Variants in SPAG16 observed in about 807,000 individuals in gnomAD.
SPAG16 encodes the protein sperm associated antigen 16.
In SPAG16, 86 loss-of-function variants were observed where a neutral mutation model predicts 80.4. The observed-to-expected ratio is 1.07, with a 90% CI of 0.90 to 1.28. The LOEUF (loss-of-function observed/expected upper bound fraction) is 1.28. SPAG16 is among the 50% of genes most tolerant of loss of function. The probability of loss-of-function intolerance (pLI) is 0.00; values close to 1 mark genes in which losing one functional copy is unlikely to be tolerated. For synonymous variants in SPAG16, 294 were observed against 265.9 expected (o/e 1.11, Z -1.03); for missense variants, 870 against 765.3 (o/e 1.14, Z -1.61).
intron 10 of SPAG16, among the ~76,000 whole-genome samples, chr2:213,689,505 T>C (rs1250297659): frequency 1.3e-5 from 2 of 150,602 alleles, no homozygotes; most frequent in Non-Finnish European, 2.9e-5. Context: ...ATTTTAAACT[T>C]AGAACAGAAT....
At chr2:213,544,462 A>C (rs957175845) in intron 10 of SPAG16, among the ~76,000 whole-genome samples, 6 of 152,022 alleles carry the variant, frequency 3.9e-5, no homozygotes, top group Non-Finnish European at 7.4e-5. Flanking sequence ...CCTCCTTCTT[A>C]TCAACATCCT....
intron 14 of SPAG16, among the ~76,000 whole-genome samples, chr2:214,148,835 TAAA>T (rs2055801730): frequency 6.6e-6 from 1 of 151,896 alleles, no homozygotes; most frequent in South Asian, 2.1e-4. Flanking sequence ...CTAATGTAGT[TAAA>T]ATGAAAATGC....
At chr2:213,448,058 G>A (rs1162098614) in intron 9 of SPAG16, among the ~76,000 whole-genome samples, 1 of 152,208 alleles carries the variant, frequency 6.6e-6, no homozygotes, top group Admixed American at 6.5e-5. Flanking sequence ...GGCTTATTTT[G>A]TTAATGATTG....
rs1305303316 is a variant in SPAG16 at position 214,108,265 on chromosome 2, A to G, written c.1593+4A>G. 6.2e-7 allele frequency: 1 copy of G among 1,601,178 alleles called. No individual in the cohort carries two copies. Among genetic ancestry groups the G allele is most frequent in the Admixed American group, 1.7e-5 (1 of 59,388 alleles). On this transcript the variant is annotated splice_donor_region_variant and intron_variant, in intron 14 of 15. Coordinates refer to ENST00000331683, the MANE Select transcript of SPAG16 (RefSeq NM_024532.5). ...TGATGCCATTTTTGATCCCAGGGTA[A>G]GTTCAGTTCTCCCAGTAAACTGTTT...
At chr2:213,731,018 G>A (rs1259749027) in intron 10 of SPAG16, among the ~76,000 whole-genome samples, 1 of 151,638 alleles carries the variant, frequency 6.6e-6, no homozygotes, top group South Asian at 2.1e-4. Flanking sequence ...TGGTTTCTTA[G>A]AGTTTTCATC....
At chr2:213,402,674 G>T (rs1323790534) in intron 9 of SPAG16, among the ~76,000 whole-genome samples, 1 of 151,812 alleles carries the variant, frequency 6.6e-6, no homozygotes. Context: ...AGAACATGCG[G>T]TGTTTGGTTT....
chr2:214,393,921 T>C (rs2126132094), intron 15 of SPAG16, among the ~76,000 whole-genome samples: 1 of 152,262 alleles, frequency 6.6e-6, no homozygotes, highest in South Asian at 2.1e-4. Flanking sequence ...TCTCCAGTCA[T>C]AGGAAATGTA....
At chr2:213,793,958 A>G (rs1469625577) in intron 10 of SPAG16, among the ~76,000 whole-genome samples, 2 of 152,192 alleles carry the variant, frequency 1.3e-5, no homozygotes, top group African/African-American at 4.8e-5. Flanking sequence ...TTAAATAACC[A>G]GTACATTTGA....
chr2:213,885,371 G>A lies in SPAG16; in HGVS notation c.1214+22743G>A, dbSNP rs554854190. ...GTAGCCATGAACTATAGTGTGTTGGGAAGAGAGTTCACCTCCTCACCAGGT... is the reference window on the plus strand; with the variant it reads ...GTAGCCATGAACTATAGTGTGTTGGAAAGAGAGTTCACCTCCTCACCAGGT... On this transcript the variant is annotated intron_variant, in intron 11 of 15. Transcript: ENST00000331683. Among the ~76,000 whole-genome samples the A allele has an allele frequency of 2.0e-5, 3 of 152,234 alleles. No individual in the cohort carries two copies. In the South Asian group the frequency reaches 6.2e-4, roughly 32 times the overall value.
intron 14 of SPAG16, among the ~76,000 whole-genome samples, chr2:214,115,789 A>T (rs2053901684): frequency 6.6e-6 from 1 of 151,376 alleles, no homozygotes. Context: ...GAGGCAGGGG[A>T]ATTGCTCAAA....
chr2:213,711,857 A>T (rs1353122983), intron 10 of SPAG16, among the ~76,000 whole-genome samples: 1 of 152,122 alleles, frequency 6.6e-6, no homozygotes, highest in Admixed American at 6.6e-5. Flanking sequence ...ATCTCTGTAG[A>T]CATCTAACAC....
intron 1 of SPAG16, among the ~76,000 whole-genome samples, chr2:213,290,863 T>TC (rs1358292130): frequency 6.6e-6 from 1 of 152,316 alleles, no homozygotes; most frequent in Non-Finnish European, 1.5e-5. Context: ...CCAAAGTTTT[T>TC]CACATACAGT....
rs180942551 is a variant in SPAG16, at chr2:213,855,984, A to T, written c.1071-6501A>T. On this transcript the variant is annotated intron_variant, in intron 10 of 15. Transcript: ENST00000331683. ...TCCCAGTCCCCCAAAGTCTCAACTC[A>T]TTTCATCATTAACTCAAAAGTCCAA... Among the ~76,000 whole-genome samples the T allele has an allele frequency of 7.9e-5, 12 of 152,262 alleles. No individual in the cohort carries two copies. In the East Asian group the frequency reaches 2.3e-3, roughly 29 times the overall value.
chr2:214,226,130 A>G (rs2058692680), intron 15 of SPAG16, among the ~76,000 whole-genome samples: 1 of 152,120 alleles, frequency 6.6e-6, no homozygotes, highest in South Asian at 2.1e-4. Context: ...TGAAGCACTT[A>G]TGATTTCTCA....
chr2:213,750,910 C>A (rs1362387696), intron 10 of SPAG16, among the ~76,000 whole-genome samples: 4 of 152,122 alleles, frequency 2.6e-5, no homozygotes, highest in Non-Finnish European at 5.9e-5. Flanking sequence ...GCTTCTGGAC[C>A]ACCGATGATA....
intron 13 of SPAG16, among the ~76,000 whole-genome samples, chr2:214,044,391 A>T (rs552936080): frequency 6.6e-6 from 1 of 152,178 alleles, no homozygotes; most frequent in South Asian, 2.1e-4. Flanking sequence ...TTGCTTATAG[A>T]CACTCTCTGA....
intron 11 of SPAG16, among the ~76,000 whole-genome samples, chr2:213,871,875 CACACAG>C (rs1295861727): frequency 0.054 from 1,525 of 28,218 alleles, 13 homozygotes; most frequent in South Asian, 0.11. Context: ...CACACACACA[CACACAG>C]AGAGAGAGAG....
intron 9 of SPAG16, among the ~76,000 whole-genome samples, chr2:213,379,155 G>T (rs1268294193): frequency 1.3e-5 from 2 of 152,160 alleles, no homozygotes; most frequent in African/African-American, 4.8e-5. Context: ...TCAATGTTGT[G>T]GGAACAGGAA....
chr2:214,019,290 A>G (rs1246475168), intron 13 of SPAG16, among the ~76,000 whole-genome samples: 1 of 151,718 alleles, frequency 6.6e-6, no homozygotes, highest in South Asian at 2.1e-4. Context: ...TTTTTTTTAA[A>G]GAAAAGAATG....
Sources: gnomAD v4.1 joint callset for allele counts (sites outside exome capture counted in the v4.1 genomes callset) on GRCh38, gnomAD v4.1.1 for gene constraint, MANE v1.5 for transcripts, NCBI Gene and HGNC (gene_info 2026-07-23, HGNC 2026-07-21) for gene names.